GFOD1: variants seen among roughly 807,000 people sequenced by gnomAD.
The protein encoded by GFOD1 is glucose-fructose oxidoreductase domain-containing protein 1.
In GFOD1, 9 loss-of-function variants were observed where a neutral mutation model predicts 25.4. That is an observed-to-expected ratio of 0.35 (90% CI 0.21 to 0.62). GFOD1 has a LOEUF of 0.62. Ranked by LOEUF, GFOD1 falls within the 20% of genes least tolerant of loss-of-function variation. The probability of loss-of-function intolerance (pLI) is 0.72; values close to 1 mark genes in which losing one functional copy is unlikely to be tolerated. For missense variants in GFOD1, 403 were observed against 556.9 expected, an observed-to-expected ratio of 0.72 and a Z score of 2.78; for synonymous variants, 253 against 245.6, an observed-to-expected ratio of 1.03 and a Z score of -0.28.
chr6:13,420,110 T>C (rs1317537915), intron 1 of GFOD1, among the ~76,000 whole-genome samples: 1 of 151,660 alleles, frequency 6.6e-6, no homozygotes, highest in Non-Finnish European at 1.5e-5. Flanking sequence ...GCTCAGTCCA[T>C]ACCTTCTGGC....
intron 1 of GFOD1, among the ~76,000 whole-genome samples, chr6:13,410,976 T>C (rs1019036570): frequency 6.6e-6 from 1 of 152,164 alleles, no homozygotes; most frequent in Non-Finnish European, 1.5e-5. Flanking sequence ...GCTTTCAAAG[T>C]AACAAGGAAG....
intron 1 of GFOD1, among the ~76,000 whole-genome samples, chr6:13,483,044 G>T (rs1758788023): frequency 6.6e-6 from 1 of 152,052 alleles, no homozygotes; most frequent in Non-Finnish European, 1.5e-5. Context: ...ACAGGGACTA[G>T]GGGACATTCA....
intron 1 of GFOD1, among the ~76,000 whole-genome samples, chr6:13,408,478 G>A (rs544944790): frequency 1.3e-5 from 2 of 152,298 alleles, no homozygotes; most frequent in East Asian, 1.9e-4. Flanking sequence ...TGCCTGCAAG[G>A]ACCTCCCCAT....
At chr6:13,385,793 A>C (rs1306793309) in intron 1 of GFOD1, among the ~76,000 whole-genome samples, 1 of 152,268 alleles carries the variant, frequency 6.6e-6, no homozygotes, top group African/African-American at 2.4e-5. Context: ...TAAAGCCCAC[A>C]GAATGTACTC....
chr6:13,374,075 A>G (rs1785202496), intron 1 of GFOD1, among the ~76,000 whole-genome samples: 1 of 152,098 alleles, frequency 6.6e-6, no homozygotes, highest in African/African-American at 2.4e-5. Flanking sequence ...TGTATTTTGC[A>G]TGCATTTTCA....
intron 1 of GFOD1, among the ~76,000 whole-genome samples, chr6:13,393,848 C>T (rs1049728003): frequency 7.2e-6 from 1 of 138,232 alleles, no homozygotes; most frequent in African/African-American, 2.6e-5. Flanking sequence ...GGTGCGATCT[C>T]GGCTCACTGC....
intron 1 of GFOD1, among the ~76,000 whole-genome samples, chr6:13,392,044 C>T (rs1191127252): frequency 6.6e-6 from 1 of 152,158 alleles, no homozygotes. Context: ...CACGAGGAGA[C>T]AGCCCACTCC....
At chr6:13,391,246 G>A (rs1030136829) in intron 1 of GFOD1, among the ~76,000 whole-genome samples, 11 of 151,668 alleles carry the variant, frequency 7.3e-5, no homozygotes, top group Non-Finnish European at 7.4e-5. Context: ...ATCTGACGGT[G>A]CTAGCTAGCT....
chr6:13,432,746 A>G lies in GFOD1; in HGVS notation c.253+53892T>C, dbSNP rs371454681. On this transcript the variant is annotated intron_variant, in intron 1 of 1. Transcript: ENST00000379287. ...CCTGTGCACATCCTGCCATATCACT[A>G]TGGTTGTTCCCTGAGCGGGCAGCAC... Among the ~76,000 whole-genome samples the G allele has an allele frequency of 1.8e-4, 28 of 152,122 alleles. No individual in the cohort carries two copies. The East Asian group carries it at 4.3e-3, about 23-fold the overall frequency.
intron 1 of GFOD1, among the ~76,000 whole-genome samples, chr6:13,369,072 T>G (rs1164283337): frequency 6.6e-6 from 1 of 152,228 alleles, no homozygotes; most frequent in Admixed American, 6.5e-5. Flanking sequence ...ATGATATGGC[T>G]CCACATTATA....
intron 1 of GFOD1, among the ~76,000 whole-genome samples, chr6:13,472,905 C>T (rs539174948): frequency 5.9e-5 from 9 of 152,206 alleles, no homozygotes; most frequent in Non-Finnish European, 1.3e-4. Context: ...GTTAACTATT[C>T]ATTCCACCAC....
At chr6:13,374,134 T>A (rs1785203788) in intron 1 of GFOD1, among the ~76,000 whole-genome samples, 1 of 152,232 alleles carries the variant, frequency 6.6e-6, no homozygotes, top group African/African-American at 2.4e-5. Context: ...ATCTTACAGA[T>A]GTGGAAACTG....
At position 13,409,121 on chromosome 6, in the gene GFOD1, G is replaced by A. The variant is rs770615370; in HGVS notation, c.254-43459C>T. Among the ~76,000 whole-genome samples the A allele has an allele frequency of 3.0e-3, 184 of 62,054 alleles. 3 individuals are homozygous for A. The highest frequency in any genetic ancestry group is 6.0e-3 in the Non-Finnish European group (149 of 24,756). 40.7% of individuals were successfully genotyped at this position (62,054 alleles called of 152,430 possible). ...AGAAAGAAAGAAAGAAAGAAAGAAA[G>A]AAAGAAAGAAAGAAAGAAAGAAAGA... On this transcript the variant is annotated intron_variant, in intron 1 of 1. Transcript: ENST00000379287.
intron 1 of GFOD1, among the ~76,000 whole-genome samples, chr6:13,410,450 G>A (rs984252969): frequency 2.0e-5 from 3 of 151,726 alleles, no homozygotes; most frequent in Non-Finnish European, 2.9e-5. Context: ...GCCTGTAATC[G>A]CAGCTACTCG....
intron 1 of GFOD1, among the ~76,000 whole-genome samples, chr6:13,456,131 G>A (rs1217311088): frequency 6.6e-6 from 1 of 152,138 alleles, no homozygotes; most frequent in African/African-American, 2.4e-5. Flanking sequence ...AGGGAAATGA[G>A]GCTTCTAAGA....
At chr6:13,457,685 GATTCAGAGTAAGCAAGTC>G (rs1758214572) in intron 1 of GFOD1, among the ~76,000 whole-genome samples, 1 of 152,230 alleles carries the variant, frequency 6.6e-6, no homozygotes, top group African/African-American at 2.4e-5. Flanking sequence ...AGTTGGATGT[GATTCAGAGTAAGCAAGTC>G]ATCCTTAACG....
At chr6:13,474,024 C>T (rs1758563722) in intron 1 of GFOD1, among the ~76,000 whole-genome samples, 1 of 152,230 alleles carries the variant, frequency 6.6e-6, no homozygotes. Flanking sequence ...CCCTTCCGGG[C>T]CCCTTGTGCT....
At chr6:13,453,581 A>T (rs985323555) in intron 1 of GFOD1, among the ~76,000 whole-genome samples, 1 of 152,220 alleles carries the variant, frequency 6.6e-6, no homozygotes, top group Non-Finnish European at 1.5e-5. Context: ...TTTTTAAAGC[A>T]TCCTCAATAA....
intron 1 of GFOD1, among the ~76,000 whole-genome samples, chr6:13,469,077 A>C (rs1302336463): frequency 6.6e-6 from 1 of 152,160 alleles, no homozygotes. Context: ...ATAAACACAC[A>C]TGGGCCTGCT....
Sources: gnomAD v4.1 joint callset for allele counts (sites outside exome capture counted in the v4.1 genomes callset) on GRCh38, gnomAD v4.1.1 for gene constraint, MANE v1.5 for transcripts, NCBI Gene and HGNC (gene_info 2026-07-23, HGNC 2026-07-21) for gene names.